NRXN3: variants seen among roughly 807,000 people sequenced by gnomAD.
The protein encoded by NRXN3 is neurexin III.
Under a neutral mutation model 137.6 loss-of-function variants are expected in NRXN3, and 32 were observed. The observed-to-expected ratio is 0.23, with a 90% CI of 0.18 to 0.31. The LOEUF (loss-of-function observed/expected upper bound fraction) is 0.31. Among genes scored for constraint, NRXN3 ranks in the 10% least tolerant of loss-of-function variants. The pLI is 1.00. For synonymous variants in NRXN3, 798 were observed against 784.5 expected (o/e 1.02, Z -0.29); for missense variants, 1,574 against 2,062.5 (o/e 0.76, Z 4.59).
chr14:79,121,359 A>G (rs1568347312), intron 15 of NRXN3, among the ~76,000 whole-genome samples: 1 of 152,190 alleles, frequency 6.6e-6, no homozygotes, highest in Non-Finnish European at 1.5e-5. Flanking sequence ...TATAAATGAT[A>G]GCTGCATGAG....
At chr14:79,624,807 GT>G (rs757250476) in intron 16 of NRXN3, among the ~76,000 whole-genome samples, 205 of 122,768 alleles carry the variant, frequency 1.7e-3, no homozygotes, top group Non-Finnish European at 2.7e-3. Flanking sequence ...TTTTTTGTTT[GT>G]TTTTGTTTTT....
At chr14:79,857,468 T>C (rs1419253365) in intron 20 of NRXN3, among the ~76,000 whole-genome samples, 7 of 152,080 alleles carry the variant, frequency 4.6e-5, no homozygotes, top group Non-Finnish European at 1.0e-4. Flanking sequence ...ATGATCCGCC[T>C]GCCTCGGCCT....
intron 10 of NRXN3, among the ~76,000 whole-genome samples, chr14:78,893,117 C>T (rs2152709663): frequency 6.6e-6 from 1 of 151,962 alleles, no homozygotes; most frequent in African/African-American, 2.4e-5. Flanking sequence ...TTTTCTTTGC[C>T]ATCCACTTGC....
intron 20 of NRXN3, among the ~76,000 whole-genome samples, chr14:79,806,938 T>TTATATATATATATATATATA (rs1296037210): frequency 1.2e-4 from 7 of 58,068 alleles, no homozygotes; most frequent in African/African-American, 4.9e-4. Flanking sequence ...GGCTTTAATT[T>TTATATATATATATATATATA]TATATATATA....
intron 19 of NRXN3, among the ~76,000 whole-genome samples, chr14:79,751,167 G>A (rs1226566644): frequency 2.6e-5 from 4 of 152,062 alleles, no homozygotes; most frequent in Non-Finnish European, 5.9e-5. Context: ...TGGGCAGTGT[G>A]GCCATTTTCA....
At chr14:78,278,050 G>A (rs191390487) in intron 2 of NRXN3, among the ~76,000 whole-genome samples, 76 of 152,324 alleles carry the variant, frequency 5.0e-4, no homozygotes, top group Non-Finnish European at 7.1e-4. Flanking sequence ...GTGATGAAGC[G>A]TGGTCACTGG....
At chr14:78,832,590 T>C (rs1028481409) in intron 10 of NRXN3, among the ~76,000 whole-genome samples, 12 of 151,004 alleles carry the variant, frequency 7.9e-5, no homozygotes, top group African/African-American at 2.4e-4. Flanking sequence ...CAGTGGGGAG[T>C]GGGGTAAAGG....
chr14:79,257,052 A>G (rs1206227867), intron 15 of NRXN3, among the ~76,000 whole-genome samples: 3 of 152,130 alleles, frequency 2.0e-5, no homozygotes, highest in Non-Finnish European at 4.4e-5. Flanking sequence ...CCACCTGGGC[A>G]TTAGGTCACA....
intron 8 of NRXN3, among the ~76,000 whole-genome samples, chr14:78,773,652 G>T (rs777167572): frequency 1.3e-5 from 2 of 152,048 alleles, no homozygotes; most frequent in Non-Finnish European, 2.9e-5. Flanking sequence ...CTCATATGCT[G>T]CTGCTAGGTT....
intron 15 of NRXN3, among the ~76,000 whole-genome samples, chr14:79,132,342 A>T (rs987069395): frequency 6.6e-6 from 1 of 152,236 alleles, no homozygotes; most frequent in African/African-American, 2.4e-5. Flanking sequence ...TATTTCTAGT[A>T]AAAACAGTGT....
rs1324821363 is a variant in NRXN3, at chr14:78,350,346, TGA to T, written c.757+52487_757+52488del. ...CTCTGGGAGGCTGGAGAAAGAGCCC[TGA>T]ATGCAAGCTAGGATGACCAGGAAAG... On this transcript the variant is annotated intron_variant, in intron 4 of 20. Transcript: ENST00000335750. 3.3e-5 allele frequency among the ~76,000 whole-genome samples: 5 copies of T among 151,060 alleles called. No homozygotes were observed. The East Asian group carries it at 9.7e-4, about 29-fold the overall frequency.
At chr14:78,635,036 G>C (rs1420374328) in intron 4 of NRXN3, among the ~76,000 whole-genome samples, 1 of 152,138 alleles carries the variant, frequency 6.6e-6, no homozygotes, top group Non-Finnish European at 1.5e-5. Flanking sequence ...TTTAGGATCA[G>C]AAAGCATTTG....
intron 4 of NRXN3, among the ~76,000 whole-genome samples, chr14:78,551,759 C>G (rs2096692657): frequency 6.6e-6 from 1 of 151,276 alleles, no homozygotes; most frequent in African/African-American, 2.4e-5. Context: ...TATCCTCCCT[C>G]TTCTCTCCCT....
At chr14:79,823,033 G>A (rs2099277537) in intron 20 of NRXN3, among the ~76,000 whole-genome samples, 1 of 152,156 alleles carries the variant, frequency 6.6e-6, no homozygotes, top group African/African-American at 2.4e-5. Flanking sequence ...TTGGAAAGCT[G>A]AATTAGCCTA....
At chr14:79,355,540 A>G (rs1485769473) in intron 15 of NRXN3, among the ~76,000 whole-genome samples, 1 of 152,100 alleles carries the variant, frequency 6.6e-6, no homozygotes, top group Non-Finnish European at 1.5e-5. Context: ...ATTTTGTGAG[A>G]CCCCTCTGTC....
chr14:78,177,954 A>G (rs1010155839), intron 1 of NRXN3: 1 of 152,396 alleles, frequency 6.6e-6, no homozygotes, highest in Non-Finnish European at 1.5e-5. Flanking sequence ...CGATTGGCCA[A>G]TATTTGAGAC....
chr14:78,205,727 C>T (rs141265148), intron 1 of NRXN3, among the ~76,000 whole-genome samples: 1 of 152,238 alleles, frequency 6.6e-6, no homozygotes, highest in African/African-American at 2.4e-5. Flanking sequence ...TGGGAAAGGG[C>T]CTTGCCTGCC....
At chr14:79,225,547 G>A (rs1184737331) in intron 15 of NRXN3, among the ~76,000 whole-genome samples, 8 of 152,026 alleles carry the variant, frequency 5.3e-5, no homozygotes, top group Admixed American at 3.3e-4. Flanking sequence ...TTAAAACAAC[G>A]TAAAACCTAT....
At chr14:78,924,167 T>A (rs2099278591) in intron 10 of NRXN3, among the ~76,000 whole-genome samples, 1 of 152,220 alleles carries the variant, frequency 6.6e-6, no homozygotes, top group Non-Finnish European at 1.5e-5. Context: ...GAGAATCACT[T>A]GAACCCTGGA....
Sources: allele counts gnomAD v4.1 joint callset (sites outside exome capture counted in the v4.1 genomes callset), GRCh38; gene constraint gnomAD v4.1.1; transcripts MANE v1.5; gene names NCBI Gene and HGNC (gene_info 2026-07-23, HGNC 2026-07-21).